The following GALNT13 variants were observed in gnomAD, a reference collection of about 807,000 sequenced individuals.
GALNT13 encodes the protein polypeptide N-acetylgalactosaminyltransferase 13.
A neutral mutation model predicts 64.2 loss-of-function variants in GALNT13; 28 were observed. The observed-to-expected ratio is 0.44, with a 90% CI of 0.32 to 0.60. The LOEUF is 0.60. Ranked by LOEUF, GALNT13 falls within the 20% of genes least tolerant of loss-of-function variation. GALNT13 has a pLI of 0.05. For missense variants in GALNT13, 577 were observed against 669.8 expected (o/e 0.86, Z 1.53); for synonymous variants, 214 against 224.6 (o/e 0.95, Z 0.42).
chr2:153,904,914 C>G (rs139195439), intron 2 of GALNT13, among the ~76,000 whole-genome samples: 3 of 151,802 alleles, frequency 2.0e-5, no homozygotes, highest in African/African-American at 7.2e-5. Context: ...TTCTCTCCTT[C>G]GCCCACTGTT....
chr2:153,590,983 A>G, the GALNT13 span, among the ~76,000 whole-genome samples: 1 of 152,062 alleles, frequency 6.6e-6, no homozygotes, highest in Admixed American at 6.6e-5. Context: ...TCAGGTAAGG[A>G]AAAGAAAAAA....
the GALNT13 span, among the ~76,000 whole-genome samples, chr2:153,360,473 A>G: frequency 3.3e-5 from 5 of 152,262 alleles, no homozygotes; most frequent in African/African-American, 1.2e-4. Flanking sequence ...CTAAGATCCC[A>G]GAGCAGGGGA....
chr2:153,977,778 A>G (rs1486061019), intron 3 of GALNT13, among the ~76,000 whole-genome samples: 2 of 152,192 alleles, frequency 1.3e-5, no homozygotes, highest in Non-Finnish European at 2.9e-5. Flanking sequence ...AGTTATTCAT[A>G]TGACCATTCA....
At chr2:153,436,401 T>A in the GALNT13 span, among the ~76,000 whole-genome samples, 12 of 152,212 alleles carry the variant, frequency 7.9e-5, no homozygotes, top group Admixed American at 7.2e-4. Context: ...TCAGGAGGAA[T>A]GGTACCAGTT....
chr2:154,063,997 T>C (rs141952852), intron 3 of GALNT13, among the ~76,000 whole-genome samples: 6 of 152,240 alleles, frequency 3.9e-5, no homozygotes, highest in East Asian at 1.9e-4. Flanking sequence ...GGAAAGAAAG[T>C]CTTGAATTGT....
chr2:154,371,662 T>C (rs1407125696), intron 9 of GALNT13, among the ~76,000 whole-genome samples: 1 of 151,892 alleles, frequency 6.6e-6, no homozygotes, highest in Non-Finnish European at 1.5e-5. Flanking sequence ...GTAACAAGGG[T>C]AGGCATTTTC....
intron 3 of GALNT13, among the ~76,000 whole-genome samples, chr2:154,034,251 T>C (rs1301071716): frequency 1.3e-5 from 2 of 152,094 alleles, no homozygotes; most frequent in Non-Finnish European, 2.9e-5. Context: ...CATAAACAAA[T>C]GGTGGTATAA....
Position 154,327,625 on chromosome 2 carries a change from C to T in GALNT13, c.1156+26036C>T, listed in dbSNP as rs565620577. ...ATAATACATTCTGAAGCCTGTCCTGCTTATCTGGTTTCCAGAACTTACATA... is the reference window on the plus strand; with the variant it reads ...ATAATACATTCTGAAGCCTGTCCTGTTTATCTGGTTTCCAGAACTTACATA... On this transcript the variant is annotated intron_variant, in intron 9 of 12. Transcript: ENST00000392825. Among the ~76,000 whole-genome samples, 3 of 152,202 alleles carry T rather than the reference C, an allele frequency of 2.0e-5. No homozygotes were observed. The South Asian group carries it at 6.2e-4, about 32-fold the overall frequency.
At chr2:154,172,333 A>G (rs1171942627) in intron 4 of GALNT13, among the ~76,000 whole-genome samples, 1 of 152,006 alleles carries the variant, frequency 6.6e-6, no homozygotes, top group Non-Finnish European at 1.5e-5. Flanking sequence ...TTTGAAATCT[A>G]CTATACATTA....
chr2:153,378,292 ATAGATAGATAGATAGATAATT>A, the GALNT13 span, among the ~76,000 whole-genome samples: 1 of 129,898 alleles, frequency 7.7e-6, no homozygotes. Context: ...AGATAGATAG[ATAGATAGATAGATAGATAATT>A]TTTTTTTTTT....
At chr2:154,450,313 A>C (rs1271819953) in intron 12 of GALNT13, 98 bp from the exon 13 acceptor site, 2 of 1,108,684 alleles carry the variant, frequency 1.8e-6, no homozygotes, top group African/African-American at 3.2e-5. Context: ...TTATACTATA[A>C]AAATCATAAA....
chr2:154,086,349 G>A (rs1181066541), intron 3 of GALNT13, among the ~76,000 whole-genome samples: 3 of 147,176 alleles, frequency 2.0e-5, no homozygotes, highest in Non-Finnish European at 4.5e-5. Flanking sequence ...GCAATTATAG[G>A]CATCACACAA....
chr2:153,204,301 G>T, the GALNT13 span, among the ~76,000 whole-genome samples: 1 of 152,026 alleles, frequency 6.6e-6, no homozygotes, highest in African/African-American at 2.4e-5. Flanking sequence ...CCTCTTGAGG[G>T]ATGCTTGTTT....
the GALNT13 span, among the ~76,000 whole-genome samples, chr2:153,842,429 G>A: frequency 6.6e-6 from 1 of 152,006 alleles, no homozygotes; most frequent in Admixed American, 6.6e-5. Context: ...TTCTCAAGAT[G>A]TACATTTAGG....
rs6738479 is a variant in GALNT13, at chr2:153,963,662, T to C, written c.142+19023T>C. Reference sequence around the variant, plus strand: ...CATTGTGATTTTGACTTGGATTTCGTGATAACTATTGATACTGAGCATCAA... The same window carrying C: ...CATTGTGATTTTGACTTGGATTTCGCGATAACTATTGATACTGAGCATCAA... On this transcript the variant is annotated intron_variant, in intron 3 of 12. Transcript: ENST00000392825. Among the ~76,000 whole-genome samples the C allele has an allele frequency of 7.8e-3, 1,186 of 151,964 alleles. 17 individuals carry two copies. The highest frequency in any genetic ancestry group is 0.027 in the African/African-American group (1,126 of 41,466).
At chr2:153,921,470 G>A (rs745476375) in intron 2 of GALNT13, among the ~76,000 whole-genome samples, 1 of 152,110 alleles carries the variant, frequency 6.6e-6, no homozygotes, top group Non-Finnish European at 1.5e-5. Flanking sequence ...CTTGAGGGTG[G>A]AGTCTTGGAG....
intron 3 of GALNT13, among the ~76,000 whole-genome samples, chr2:154,118,601 GTCTT>G (rs924441481): frequency 6.6e-6 from 1 of 150,944 alleles, no homozygotes; most frequent in Non-Finnish European, 1.5e-5. Context: ...CTCTCTTGCA[GTCTT>G]TCTTTGTGGT....
At chr2:153,272,560 G>A in the GALNT13 span, among the ~76,000 whole-genome samples, 4 of 152,178 alleles carry the variant, frequency 2.6e-5, no homozygotes, top group Admixed American at 2.6e-4. Flanking sequence ...AAACCACAAT[G>A]ATATACCATC....
At chr2:154,256,073 A>T (rs966302095) in intron 7 of GALNT13, among the ~76,000 whole-genome samples, 3 of 151,742 alleles carry the variant, frequency 2.0e-5, no homozygotes, top group Non-Finnish European at 4.4e-5. Flanking sequence ...GAAAAAAAAA[A>T]CTCAGTTAAA....
Sources: allele counts gnomAD v4.1 joint callset (sites outside exome capture counted in the v4.1 genomes callset), GRCh38; gene constraint gnomAD v4.1.1; transcripts MANE v1.5; gene names NCBI Gene and HGNC (gene_info 2026-07-23, HGNC 2026-07-21).